GAR1: variants seen among roughly 807,000 people sequenced by gnomAD.
GAR1 encodes the protein H/ACA ribonucleoprotein complex subunit 1.
Under a neutral mutation model 29.3 loss-of-function variants are expected in GAR1, and 11 were observed. That is an observed-to-expected ratio of 0.38 (90% CI 0.24 to 0.62). The LOEUF is 0.62. Among genes scored for constraint, GAR1 ranks in the 20% least tolerant of loss-of-function variants. The pLI is 0.62. For synonymous variants in GAR1, 87 were observed against 93.3 expected (o/e 0.93, Z 0.39); for missense variants, 237 against 268.4 (o/e 0.88, Z 0.82).
chr4:109,823,153 G>A (rs955825971), intron 5 of GAR1, among the ~76,000 whole-genome samples: 1 of 152,158 alleles, frequency 6.6e-6, no homozygotes, highest in African/African-American at 2.4e-5. Flanking sequence ...GATGAGCAGG[G>A]CTCTGGGGAG....
intron 4 of GAR1, among the ~76,000 whole-genome samples, chr4:109,819,905 C>T (rs528973973): frequency 5.3e-5 from 8 of 152,218 alleles, no homozygotes; most frequent in African/African-American, 1.9e-4. Flanking sequence ...GAATTAAGAC[C>T]AGAGAGGTAG....
At chr4:109,819,270 T>C in intron 4 of GAR1, 1 of 565,100 alleles carries the variant, frequency 1.8e-6, no homozygotes, top group Non-Finnish European at 3.1e-6. Flanking sequence ...TTACAACTTT[T>C]GCTCATATTA....
At chr4:109,822,750 C>T (rs894555850) in intron 5 of GAR1, among the ~76,000 whole-genome samples, 5 of 152,030 alleles carry the variant, frequency 3.3e-5, no homozygotes, top group East Asian at 1.9e-4. Flanking sequence ...TTTAATAAAC[C>T]GTAAGATTAT....
At chr4:109,818,473 T>TTCTCTCTCTTTCTC (rs968093577) in intron 3 of GAR1, among the ~76,000 whole-genome samples, 1 of 143,578 alleles carries the variant, frequency 7.0e-6, no homozygotes, top group Non-Finnish European at 1.5e-5. Flanking sequence ...CTTTCTTTCT[T>TTCTCTCTCTTTCTC]TCTCTCTCTT....
intron 2 of GAR1, among the ~76,000 whole-genome samples, chr4:109,817,155 A>G (rs959895712): frequency 6.6e-6 from 1 of 152,222 alleles, no homozygotes; most frequent in African/African-American, 2.4e-5. Context: ...CTGTTGTACC[A>G]GTCCATACAT....
At chr4:109,821,660 A>G (rs1733514956) in intron 4 of GAR1, among the ~76,000 whole-genome samples, 1 of 152,174 alleles carries the variant, frequency 6.6e-6, no homozygotes, top group Non-Finnish European at 1.5e-5. Context: ...GTTTTTTAAT[A>G]GTTTTATTTT....
rs1280076028 is a variant in GAR1 at position 109,816,513 on chromosome 4, G to A, written c.214+135G>A. ...TGTAAGGGTGGAGTGGGGAGATCAA[G>A]AAAGCTGAGGGATACTTAGAATGCA... is the stretch of plus-strand genomic sequence containing the variant. On this transcript the variant is annotated intron_variant, in intron 2 of 6. Coordinates refer to ENST00000226796, the MANE Select transcript of GAR1 (RefSeq NM_018983.4). 3 of 810,600 alleles carry A rather than the reference G, an allele frequency of 3.7e-6. No individual in the cohort carries two copies. In the East Asian group the frequency reaches 7.3e-5, roughly 20 times the overall value. The allele number at this position is 810,600 out of a possible 1,614,324, so 50.2% of individuals were successfully genotyped here.
chr4:109,816,138 T>TG lies in GAR1; in HGVS notation c.-12-15_-12-14insG. 1.9e-6 allele frequency: 3 copies of TG among 1,590,210 alleles called. No homozygotes were observed. The highest frequency in any genetic ancestry group is 1.7e-6 in the Non-Finnish European group (2 of 1,168,478). On this transcript the variant is annotated splice_polypyrimidine_tract_variant and intron_variant, in intron 1 of 6. Coordinates refer to ENST00000226796, the MANE Select transcript of GAR1 (RefSeq NM_018983.4). Reference sequence around the variant, plus strand: ...TACAGTGATCAGAAGACATAGGTCGTTTTTTTTTCATCAGGGAGGAGAGAG... The same window carrying TG: ...TACAGTGATCAGAAGACATAGGTCGTGTTTTTTTTCATCAGGGAGGAGAGAG...
At chr4:109,824,158 G>C in intron 6 of GAR1, 125 bp downstream of exon 6, 1 of 666,856 alleles carries the variant, frequency 1.5e-6, no homozygotes, top group Non-Finnish European at 2.6e-6. Context: ...GGTGTTCTTT[G>C]CTTAGCCTAA....
At position 109,816,297 on chromosome 4, in the gene GAR1, G is replaced by A. The variant is rs748054066; in HGVS notation, c.133G>A (p.Gly45Ser). The change falls in exon 2 of 7, where the codon GGC becomes AGC. Residue 45 changes from glycine (G) to serine (S), a missense_variant. Coordinates refer to ENST00000226796, the MANE Select transcript of GAR1 (RefSeq NM_018983.4). ...GGGGGNFRGGGRGGFGRGGGR... is the reference protein window; with the variant it reads ...GGGGGNFRGGSRGGFGRGGGR... ...AGGCGGCGGCAATTTCAGAGGCGGC[G>A]GCAGGGGAGGATTTGGACGAGGGGG... 1.1e-5 allele frequency: 17 copies of A among 1,612,262 alleles called. 1 individual carries two copies. The highest frequency in any genetic ancestry group is 1.4e-5 in the Non-Finnish European group (17 of 1,179,478).
In GAR1 at chr4:109,823,989, G is replaced by C. The variant is rs769180978; in HGVS notation, c.596G>C (p.Gly199Ala). The C allele has an allele frequency of 6.8e-6, 11 of 1,607,140 alleles. No individual in the cohort carries two copies. The highest frequency in any genetic ancestry group is 9.4e-6 in the Non-Finnish European group (11 of 1,175,044). ...RGGGFRGGRGGGGGGFRGGRG... is the reference protein window; with the variant it reads ...RGGGFRGGRGAGGGGFRGGRG... ...GGTGGTTTTAGAGGTGGAAGAGGAGGTGGAGGTGGGGGCTTCAGAGGAGGA... is the reference window on the plus strand; with the variant it reads ...GGTGGTTTTAGAGGTGGAAGAGGAGCTGGAGGTGGGGGCTTCAGAGGAGGA... The change falls in exon 6 of 7, where the codon GGT becomes GCT. Residue 199 changes from glycine to alanine, a missense_variant. Physicochemically the swap from Gly to Ala is moderately conservative, Grantham distance 60. Transcript: ENST00000226796.
At chr4:109,817,861 GA>G in intron 2 of GAR1, 74 bp from the exon 3 acceptor site, 1 of 1,274,722 alleles carries the variant, frequency 7.8e-7, no homozygotes, top group Non-Finnish European at 1.1e-6. Flanking sequence ...TAGCCAAAAA[GA>G]AAGCTTCCAG....
In GAR1 at chr4:109,819,065, G is replaced by A. The variant is rs1560579790; in HGVS notation, c.429+5G>A. The A allele has an allele frequency of 3.4e-6, 5 of 1,460,410 alleles. No individual in the cohort carries two copies. The highest frequency in any genetic ancestry group is 4.8e-6 in the Non-Finnish European group (5 of 1,040,352). The allele number at this position is 1,460,410 out of a possible 1,614,324, so 90.5% of individuals were successfully genotyped here. On this transcript the variant is annotated splice_donor_5th_base_variant and intron_variant, in intron 4 of 6. Transcript: ENST00000226796. ...TCCTTTAAAAAACTACAGAAGGTGA[G>A]TCAAACTTATGATACTTGGGATCCT...
chr4:109,816,056 T>TC lies in GAR1; in HGVS notation c.-12-97_-12-96insC. 2.5e-6 allele frequency: 3 copies of TC among 1,183,678 alleles called. No individual in the cohort carries two copies. The South Asian group carries it at 3.7e-5, about 15-fold the overall frequency. 73.3% of individuals were successfully genotyped at this position (1,183,678 alleles called of 1,614,324 possible). A position where few individuals can be genotyped will look rare whatever the true frequency, so the allele number is the denominator to read the frequency against. Reference sequence around the variant, plus strand: ...GTGGGTGAGGTGACAGGGCTGCTTTTGTCTCCTTTATGGTGTTCTCACCGC... The same window carrying TC: ...GTGGGTGAGGTGACAGGGCTGCTTTTCGTCTCCTTTATGGTGTTCTCACCGC... On this transcript the variant is annotated intron_variant, in intron 1 of 6. Coordinates refer to ENST00000226796, the MANE Select transcript of GAR1 (RefSeq NM_018983.4).
intron 1 of GAR1, 174 bp downstream of exon 1, chr4:109,815,978 A>G: frequency 1.5e-6 from 1 of 685,482 alleles, no homozygotes; most frequent in East Asian, 2.5e-5. Context: ...TCACGAGACC[A>G]TGGAGAAGTA....
rs758077461 is a variant in GAR1, at chr4:109,816,268, G to A, written c.104G>A (p.Gly35Asp). ...AACCACTTCCGAGGTGGAGGCGGCG[G>A]TGGAGGCGGCGGCAATTTCAGAGGC... is the stretch of plus-strand genomic sequence containing the variant. ...SSNHFRGGGG[G>D]GGGGNFRGGG... The change falls in exon 2 of 7, where the codon GGT becomes GAT. Residue 35 changes from glycine to aspartate, a missense_variant. By Grantham distance (94) the Gly-to-Asp change is moderately conservative. Coordinates refer to ENST00000226796, the MANE Select transcript of GAR1 (RefSeq NM_018983.4). 51 of 1,610,552 alleles carry A rather than the reference G, an allele frequency of 3.2e-5. No individual in the cohort carries two copies. Among genetic ancestry groups the A allele is most frequent in the Non-Finnish European group, 3.9e-5 (46 of 1,178,364 alleles).
chr4:109,816,110 G>C (rs973279032), intron 1 of GAR1, 43 bp from the exon 2 acceptor site: 2 of 1,566,528 alleles, frequency 1.3e-6, no homozygotes, highest in African/African-American at 2.7e-5. Context: ...TATACTCAGA[G>C]GCTACAGTGA....
chr4:109,822,065 A>G (rs985895452), intron 4 of GAR1, among the ~76,000 whole-genome samples: 1 of 147,242 alleles, frequency 6.8e-6, no homozygotes, highest in Non-Finnish European at 1.5e-5. Context: ...AACCTAGATG[A>G]TGGGTTGATA....
chr4:109,815,649 GT>G (rs1160480109), upstream of GAR1: 1 of 153,644 alleles, frequency 6.5e-6, no homozygotes, highest in Non-Finnish European at 1.5e-5. Flanking sequence ...TGTTCCGCGG[GT>G]GATTGGCTTT....
Sources: allele counts gnomAD v4.1 joint callset (sites outside exome capture counted in the v4.1 genomes callset), GRCh38; gene constraint gnomAD v4.1.1; transcripts MANE v1.5; gene names NCBI Gene and HGNC (gene_info 2026-07-23, HGNC 2026-07-21).